IQGAP2: variants seen among roughly 807,000 people sequenced by gnomAD.
IQGAP2 encodes the protein ras GTPase-activating-like protein IQGAP2.
IQGAP2 carries 173 observed loss-of-function variants against 201.3 expected under a neutral mutation model. The ratio of observed to expected loss-of-function variants is 0.86; its 90% CI spans 0.76 to 0.98. The LOEUF is 0.98. Ranked by LOEUF, IQGAP2 falls within the 50% of genes least tolerant of loss-of-function variation. The probability of loss-of-function intolerance (pLI) is 0.00; values close to 1 mark genes in which losing one functional copy is unlikely to be tolerated. For missense variants in IQGAP2, 1,687 were observed against 1,864.8 expected (o/e 0.90, Z 1.76); for synonymous variants, 675 against 673.9 (o/e 1.00, Z -0.03).
At chr5:76,439,129 A>G (rs1752884652) in intron 1 of IQGAP2, among the ~76,000 whole-genome samples, 1 of 152,190 alleles carries the variant, frequency 6.6e-6, no homozygotes, top group South Asian at 2.1e-4. Context: ...ATCATTCTGG[A>G]GCAGATTAAT....
intron 28 of IQGAP2, among the ~76,000 whole-genome samples, chr5:76,677,788 C>T (rs770753035): frequency 1.3e-5 from 2 of 151,968 alleles, no homozygotes; most frequent in African/African-American, 2.4e-5. Context: ...AAAAACTAGC[C>T]GGGTTTGGTG....
At chr5:76,672,918 G>T (rs552043747) in intron 24 of IQGAP2, among the ~76,000 whole-genome samples, 1 of 140,270 alleles carries the variant, frequency 7.1e-6, no homozygotes, top group Non-Finnish European at 1.5e-5. Context: ...GATTGGGGGA[G>T]GGGGGAGGGA....
At chr5:76,592,689 T>C (rs917283040) in intron 8 of IQGAP2, 149 bp from the exon 9 acceptor site, 15 of 631,872 alleles carry the variant, frequency 2.4e-5, no homozygotes, top group Non-Finnish European at 3.7e-5. Flanking sequence ...CCTAGTCCCC[T>C]GCACAGAGCA....
chr5:76,589,503 C>T, intron 6 of IQGAP2, 112 bp from the exon 7 acceptor site: 1 of 582,482 alleles, frequency 1.7e-6, no homozygotes, highest in Non-Finnish European at 2.9e-6. Context: ...TGTTTACAAA[C>T]AACCCCACTT....
chr5:76,658,489 T>C lies in IQGAP2; in HGVS notation c.2351T>C (p.Ile784Thr), dbSNP rs1435167935. Residue 784 changes from isoleucine to threonine, a missense_variant, in exon 21 of 36, where the codon ATT (isoleucine) becomes ACT (threonine). Ile to Thr is a moderately conservative substitution (Grantham distance 89). Coordinates refer to ENST00000274364, the MANE Select transcript of IQGAP2 (RefSeq NM_006633.5). ...TCTGAAAACCCACCATTAACAGTAATTCGCAAATTTGTATACCTGCTGGAC... is the reference window on the plus strand; with the variant it reads ...TCTGAAAACCCACCATTAACAGTAACTCGCAAATTTGTATACCTGCTGGAC... ...VGSENPPLTV[I>T]RKFVYLLDQS... 3.7e-6 allele frequency: 6 copies of C among 1,613,862 alleles called. No homozygotes were observed. The highest frequency in any genetic ancestry group is 1.6e-4 in the Middle Eastern group (1 of 6,084).
chr5:76,603,717 A>T (rs536649081), intron 11 of IQGAP2, among the ~76,000 whole-genome samples: 2 of 152,296 alleles, frequency 1.3e-5, no homozygotes, highest in East Asian at 3.9e-4. Flanking sequence ...GCCATGTTTT[A>T]CATGTAGTAA....
At chr5:76,660,145 G>T (rs940379720) in intron 21 of IQGAP2, 6 of 152,214 alleles carry the variant, frequency 3.9e-5, no homozygotes, top group Non-Finnish European at 5.9e-5. Flanking sequence ...GGACAACGGG[G>T]AGATGAGCAG....
chr5:76,407,435 G>A (rs537642849), intron 1 of IQGAP2, among the ~76,000 whole-genome samples: 53 of 152,342 alleles, frequency 3.5e-4, no homozygotes, highest in Middle Eastern at 3.4e-3. Flanking sequence ...GTTAAACGCA[G>A]TTGTGTAAAA....
At chr5:76,515,806 A>T (rs151058540) in intron 2 of IQGAP2, among the ~76,000 whole-genome samples, 1 of 151,756 alleles carries the variant, frequency 6.6e-6, no homozygotes, top group Admixed American at 6.6e-5. Flanking sequence ...CAAGAAAAAT[A>T]TCAGCAGGAA....
intron 2 of IQGAP2, among the ~76,000 whole-genome samples, chr5:76,520,052 C>CTT (rs566384574): frequency 6.9e-6 from 1 of 145,488 alleles, no homozygotes; most frequent in Non-Finnish European, 1.5e-5. Flanking sequence ...TCCAATTTAT[C>CTT]TTTTTTTTTT....
intron 15 of IQGAP2, 148 bp downstream of exon 15, chr5:76,632,174 GT>G: frequency 1.5e-6 from 1 of 649,836 alleles, no homozygotes; most frequent in Non-Finnish European, 2.5e-6. Context: ...ATTAGGAAAA[GT>G]TTTAGATGTT....
chr5:76,687,973 C>T (rs898990350), intron 30 of IQGAP2, among the ~76,000 whole-genome samples: 1 of 152,190 alleles, frequency 6.6e-6, no homozygotes, highest in African/African-American at 2.4e-5. Context: ...TTCCACAAAA[C>T]CTGTCCCTGG....
intron 2 of IQGAP2, chr5:76,510,659 G>C (rs1294272914): frequency 1.9e-6 from 1 of 535,490 alleles, no homozygotes; most frequent in African/African-American, 1.9e-5. Flanking sequence ...TTTGGGGACT[G>C]CCACCGCTAA....
intron 5 of IQGAP2, among the ~76,000 whole-genome samples, chr5:76,586,558 G>A (rs1020480335): frequency 6.6e-6 from 1 of 152,158 alleles, no homozygotes; most frequent in Non-Finnish European, 1.5e-5. Flanking sequence ...ATAACATCTT[G>A]TTGCTATCAG....
intron 14 of IQGAP2, among the ~76,000 whole-genome samples, chr5:76,630,143 T>G (rs1437657158): frequency 6.6e-6 from 1 of 152,184 alleles, no homozygotes; most frequent in Non-Finnish European, 1.5e-5. Context: ...AGTAAAGTGC[T>G]TAAGCTGCCA....
chr5:76,557,068 T>C (rs183186063), intron 2 of IQGAP2, among the ~76,000 whole-genome samples: 2 of 152,226 alleles, frequency 1.3e-5, no homozygotes, highest in African/African-American at 4.8e-5. Flanking sequence ...ACAACATCTA[T>C]GTCTCCAAGC....
At chr5:76,558,730 A>G (rs1744118239) in intron 2 of IQGAP2, among the ~76,000 whole-genome samples, 1 of 152,138 alleles carries the variant, frequency 6.6e-6, no homozygotes. Flanking sequence ...GGACTTTATC[A>G]CCAAATTCTT....
chr5:76,656,002 G>A (rs1233841472), intron 20 of IQGAP2, among the ~76,000 whole-genome samples: 2 of 152,110 alleles, frequency 1.3e-5, no homozygotes, highest in Non-Finnish European at 2.9e-5. Context: ...ATTGTCTAAA[G>A]TTTGTCTGAA....
At chr5:76,434,172 G>A (rs867700254) in intron 1 of IQGAP2, among the ~76,000 whole-genome samples, 1 of 152,124 alleles carries the variant, frequency 6.6e-6, no homozygotes, top group South Asian at 2.1e-4. Flanking sequence ...TGAGGACCAA[G>A]TTTAAGGATA....
Sources: allele counts gnomAD v4.1 joint callset (sites outside exome capture counted in the v4.1 genomes callset), GRCh38; gene constraint gnomAD v4.1.1; transcripts MANE v1.5; gene names NCBI Gene and HGNC (gene_info 2026-07-23, HGNC 2026-07-21).